Variants in ZSCAN25 observed in about 807,000 individuals in gnomAD.
ZSCAN25 encodes the protein zinc finger and SCAN domain-containing protein 25.
ZSCAN25 carries 27 observed loss-of-function variants against 38.7 expected under a neutral mutation model. The observed-to-expected ratio is 0.70, with a 90% CI of 0.51 to 0.96. The LOEUF is 0.96. Ranked by LOEUF, ZSCAN25 falls within the 40% of genes least tolerant of loss-of-function variation. ZSCAN25 has a pLI of 0.00. For synonymous variants in ZSCAN25, 273 were observed against 277.7 expected, an observed-to-expected ratio of 0.98 and a Z score of 0.17; for missense variants, 637 against 705.9, an observed-to-expected ratio of 0.90 and a Z score of 1.11.
the ZSCAN25 span, among the ~76,000 whole-genome samples, chr7:99,694,313 G>A: frequency 6.6e-6 from 1 of 152,132 alleles, no homozygotes; most frequent in Admixed American, 6.5e-5. Context: ...AGACATCAGG[G>A]ACCTCTTTTA....
the ZSCAN25 span, among the ~76,000 whole-genome samples, chr7:99,716,504 A>C: frequency 6.6e-6 from 1 of 152,182 alleles, no homozygotes; most frequent in African/African-American, 2.4e-5. Flanking sequence ...ATATAATGAC[A>C]AATGATGTCC....
chr7:99,658,354 T>G, the ZSCAN25 span, among the ~76,000 whole-genome samples: 1 of 152,208 alleles, frequency 6.6e-6, no homozygotes, highest in Non-Finnish European at 1.5e-5. Flanking sequence ...TTAGTTTGGC[T>G]GGAAATGAAA....
At chr7:99,681,243 G>C in the ZSCAN25 span, among the ~76,000 whole-genome samples, 1 of 152,090 alleles carries the variant, frequency 6.6e-6, no homozygotes, top group Non-Finnish European at 1.5e-5. Flanking sequence ...CTTGGCATTT[G>C]TGAATAGTGG....
Position 99,621,640 on chromosome 7 carries a change from T to C in ZSCAN25, c.589+66T>C, listed in dbSNP as rs2151263174. The C allele has an allele frequency of 2.4e-6, 3 of 1,242,462 alleles. No individual in the cohort carries two copies. The South Asian group carries it at 1.0e-4, about 43-fold the overall frequency. The allele number at this position is 1,242,462 out of a possible 1,614,324, so 77.0% of individuals were successfully genotyped here. ...AACAGTGCTGTGCAGCCAACTCTCTTCAGAAACCCAGCAATGGAGCAACTA... is the reference window on the plus strand; with the variant it reads ...AACAGTGCTGTGCAGCCAACTCTCTCCAGAAACCCAGCAATGGAGCAACTA... On this transcript the variant is annotated intron_variant, in intron 5 of 7. Coordinates refer to ENST00000394152, the MANE Select transcript of ZSCAN25 (RefSeq NM_145115.3).
At chr7:99,705,479 A>G in the ZSCAN25 span, 1 of 1,612,460 alleles carries the variant, frequency 6.2e-7, no homozygotes, top group Non-Finnish European at 8.5e-7. Context: ...TTAAAGAGCA[A>G]ACCAGAAGTC....
chr7:99,650,365 G>T, the ZSCAN25 span: 1 of 786,752 alleles, frequency 1.3e-6, no homozygotes. Context: ...TTGTGGGCTG[G>T]TCATTGAAAT....
At chr7:99,722,484 A>G in the ZSCAN25 span, 2 of 1,098,414 alleles carry the variant, frequency 1.8e-6, no homozygotes, top group Non-Finnish European at 2.6e-6. Context: ...TAGAGATGTC[A>G]TAAGAGAAAG....
chr7:99,734,853 C>T, the ZSCAN25 span, among the ~76,000 whole-genome samples: 1 of 152,128 alleles, frequency 6.6e-6, no homozygotes, highest in Non-Finnish European at 1.5e-5. Context: ...AACTCCTGAC[C>T]TCAGGCAGTC....
intron 7 of ZSCAN25, among the ~76,000 whole-genome samples, chr7:99,628,685 G>C (rs890711052): frequency 6.6e-6 from 1 of 152,238 alleles, no homozygotes; most frequent in African/African-American, 2.4e-5. Context: ...TAGGCAGAGG[G>C]AGCATGTGGG....
the ZSCAN25 span, among the ~76,000 whole-genome samples, chr7:99,656,277 G>GT: frequency 2.6e-5 from 4 of 152,204 alleles, no homozygotes; most frequent in African/African-American, 9.6e-5. Flanking sequence ...TTTATTCAGA[G>GT]TTTTTAGCAT....
chr7:99,716,882 C>A, the ZSCAN25 span, among the ~76,000 whole-genome samples: 16 of 152,188 alleles, frequency 1.1e-4, no homozygotes, highest in African/African-American at 3.9e-4. Context: ...AACTTTGATA[C>A]AATCACACTT....
At chr7:99,686,927 G>A in the ZSCAN25 span, among the ~76,000 whole-genome samples, 1 of 152,222 alleles carries the variant, frequency 6.6e-6, no homozygotes, top group Non-Finnish European at 1.5e-5. Context: ...GGTCTGGAGT[G>A]GACCTCTAGC....
At chr7:99,715,551 G>A in the ZSCAN25 span, 4 of 825,982 alleles carry the variant, frequency 4.8e-6, no homozygotes, top group South Asian at 5.3e-5. Flanking sequence ...TTTCTGGCAG[G>A]GGGTTGATAG....
the ZSCAN25 span, among the ~76,000 whole-genome samples, chr7:99,649,760 G>A: frequency 6.6e-6 from 1 of 152,146 alleles, no homozygotes; most frequent in Admixed American, 6.5e-5. Context: ...TCACAGCCAG[G>A]TAATCATTGC....
At chr7:99,666,899 G>GT in the ZSCAN25 span, 1 of 1,604,762 alleles carries the variant, frequency 6.2e-7, no homozygotes, top group Non-Finnish European at 8.5e-7. Context: ...CTTTCTACCT[G>GT]TCCCCAGATT....
At chr7:99,634,624 C>T (rs1808195174), downstream of ZSCAN25, among the ~76,000 whole-genome samples, 1 of 152,164 alleles carries the variant, frequency 6.6e-6, no homozygotes, top group South Asian at 2.1e-4. Flanking sequence ...CCCATCTCTA[C>T]TAAAAATATA....
chr7:99,671,770 C>CTTTCTCT, the ZSCAN25 span: 1 of 701,650 alleles, frequency 1.4e-6, no homozygotes, highest in African/African-American at 1.7e-5. Context: ...TGATATAGAA[C>CTTTCTCT]CTGTCAGAGA....
At chr7:99,648,465 A>T in the ZSCAN25 span, 3 of 1,365,214 alleles carry the variant, frequency 2.2e-6, no homozygotes, top group African/African-American at 4.4e-5. Context: ...AGATGGAAGC[A>T]AAGTAGAAAA....
chr7:99,691,231 G>A, the ZSCAN25 span, among the ~76,000 whole-genome samples: 18 of 151,898 alleles, frequency 1.2e-4, no homozygotes, highest in Non-Finnish European at 2.5e-4. Context: ...CTCAAAGGTT[G>A]GAATTGAACA....
Sources: gnomAD v4.1 joint callset for allele counts (sites outside exome capture counted in the v4.1 genomes callset) on GRCh38, gnomAD v4.1.1 for gene constraint, MANE v1.5 for transcripts, NCBI Gene and HGNC (gene_info 2026-07-23, HGNC 2026-07-21) for gene names.